DLG2: variants seen among roughly 807,000 people sequenced by gnomAD.
DLG2 encodes discs large MAGUK scaffold protein 2.
Under a neutral mutation model 132.5 loss-of-function variants are expected in DLG2, and 45 were observed. The observed-to-expected ratio is 0.34, with a 90% CI of 0.27 to 0.44. The LOEUF is 0.44. Among genes scored for constraint, DLG2 ranks in the 20% least tolerant of loss-of-function variants. The probability of loss-of-function intolerance (pLI) is 1.00; values close to 1 mark genes in which losing one functional copy is unlikely to be tolerated. For synonymous variants in DLG2, 424 were observed against 419.6 expected, an observed-to-expected ratio of 1.01 and a Z score of -0.13; for missense variants, 1,045 against 1,196.9, an observed-to-expected ratio of 0.87 and a Z score of 1.87.
intron 6 of DLG2, among the ~76,000 whole-genome samples, chr11:84,974,993 G>T (rs995706811): frequency 6.6e-6 from 1 of 152,146 alleles, no homozygotes; most frequent in African/African-American, 2.4e-5. Context: ...TTTTATACAA[G>T]GACATTGTAA....
At chr11:85,575,066 A>C (rs1342926261) in intron 3 of DLG2, among the ~76,000 whole-genome samples, 1 of 151,938 alleles carries the variant, frequency 6.6e-6, no homozygotes, top group Non-Finnish European at 1.5e-5. Flanking sequence ...TCAATTCTAA[A>C]TATATAATGC....
chr11:84,091,390 G>A (rs2097091549), intron 10 of DLG2, among the ~76,000 whole-genome samples: 1 of 152,142 alleles, frequency 6.6e-6, no homozygotes, highest in African/African-American at 2.4e-5. Flanking sequence ...CATCTCTGCT[G>A]TCCCTCCACC....
At chr11:83,645,119 G>C (rs887323748) in intron 18 of DLG2, among the ~76,000 whole-genome samples, 2 of 152,100 alleles carry the variant, frequency 1.3e-5, no homozygotes, top group Non-Finnish European at 2.9e-5. Flanking sequence ...GTAAATAAGA[G>C]TCTTTGCTGA....
At chr11:85,146,423 C>T (rs1321880528) in intron 5 of DLG2, among the ~76,000 whole-genome samples, 1 of 151,988 alleles carries the variant, frequency 6.6e-6, no homozygotes, top group Non-Finnish European at 1.5e-5. Context: ...TCTTCAATGC[C>T]CAAGGGCTCT....
intron 3 of DLG2, among the ~76,000 whole-genome samples, chr11:85,324,896 C>T (rs557452424): frequency 4.0e-3 from 587 of 148,200 alleles, no homozygotes; most frequent in Non-Finnish European, 5.3e-3. Flanking sequence ...AGACAGTGGG[C>T]GCAGGCCAGT....
At chr11:84,067,604 G>A (rs1157304905) in intron 10 of DLG2, among the ~76,000 whole-genome samples, 2 of 151,196 alleles carry the variant, frequency 1.3e-5, no homozygotes, top group African/African-American at 4.9e-5. Context: ...TGACTCAAAT[G>A]ACTTCAAATC....
intron 3 of DLG2, among the ~76,000 whole-genome samples, chr11:85,568,861 C>T (rs1026584912): frequency 4.6e-5 from 7 of 151,896 alleles, no homozygotes; most frequent in South Asian, 2.1e-4. Context: ...AAACTGGTTT[C>T]GGTTTCATTG....
chr11:84,213,893 G>C (rs1426231862), intron 8 of DLG2, among the ~76,000 whole-genome samples: 2 of 149,292 alleles, frequency 1.3e-5, no homozygotes, highest in African/African-American at 4.9e-5. Flanking sequence ...TAAAGTCTGA[G>C]AAACACTGTG....
intron 16 of DLG2, among the ~76,000 whole-genome samples, chr11:83,853,745 A>G (rs1414250757): frequency 6.6e-6 from 1 of 152,152 alleles, no homozygotes; most frequent in Non-Finnish European, 1.5e-5. Flanking sequence ...ATTAAATAAT[A>G]TCTACAAAAT....
At chr11:83,986,203 T>TC (rs1173412299) in intron 11 of DLG2, among the ~76,000 whole-genome samples, 1 of 138,174 alleles carries the variant, frequency 7.2e-6, no homozygotes, top group Non-Finnish European at 1.6e-5. Context: ...AAGCTATCCC[T>TC]CCCCCCTCCC....
intron 6 of DLG2, among the ~76,000 whole-genome samples, chr11:84,651,023 G>A (rs1287484513): frequency 1.3e-5 from 2 of 151,774 alleles, no homozygotes; most frequent in Non-Finnish European, 2.9e-5. Context: ...GCCCTCCAGA[G>A]ATGCTGTACC....
chr11:84,489,825 T>A (rs1295592849), intron 7 of DLG2, among the ~76,000 whole-genome samples: 1 of 152,046 alleles, frequency 6.6e-6, no homozygotes, highest in African/African-American at 2.4e-5. Context: ...ATGTAAAATT[T>A]CATATATTCT....
At chr11:85,097,503 G>A (rs778348960) in intron 6 of DLG2, among the ~76,000 whole-genome samples, 5 of 152,194 alleles carry the variant, frequency 3.3e-5, no homozygotes, top group Non-Finnish European at 5.9e-5. Flanking sequence ...AGATTTGAAT[G>A]AGCAAAATGA....
At chr11:83,546,189 G>A (rs1395849150) in intron 19 of DLG2, among the ~76,000 whole-genome samples, 1 of 152,148 alleles carries the variant, frequency 6.6e-6, no homozygotes, top group African/African-American at 2.4e-5. Flanking sequence ...CAACATGGCT[G>A]TGAGATACCT....
At chr11:84,816,243 G>A (rs1422548236) in intron 6 of DLG2, among the ~76,000 whole-genome samples, 1 of 151,992 alleles carries the variant, frequency 6.6e-6, no homozygotes, top group Non-Finnish European at 1.5e-5. Flanking sequence ...CAGAGTAGGG[G>A]CTGCCTCCAG....
chr11:84,899,841 T>G (rs946613567), intron 6 of DLG2, among the ~76,000 whole-genome samples: 2 of 152,052 alleles, frequency 1.3e-5, no homozygotes, highest in African/African-American at 4.8e-5. Flanking sequence ...TTCCAATGCT[T>G]AAACTTCTCT....
chr11:84,332,442 C>T (rs1039709779), intron 7 of DLG2, among the ~76,000 whole-genome samples: 2 of 151,452 alleles, frequency 1.3e-5, no homozygotes, highest in Non-Finnish European at 2.9e-5. Context: ...CATCTCCTGA[C>T]CTCGTGATCC....
intron 6 of DLG2, among the ~76,000 whole-genome samples, chr11:84,744,056 G>A (rs1028416394): frequency 2.6e-5 from 4 of 152,094 alleles, no homozygotes; most frequent in Non-Finnish European, 5.9e-5. Context: ...TGAATCACAC[G>A]TTTCTCTCTG....
chr11:84,313,102 C>G (rs1187794064), intron 7 of DLG2, among the ~76,000 whole-genome samples: 1 of 151,834 alleles, frequency 6.6e-6, no homozygotes, highest in Non-Finnish European at 1.5e-5. Flanking sequence ...AGTCACTGCA[C>G]CTGGCCAATT....
Sources: allele counts gnomAD v4.1 joint callset (sites outside exome capture counted in the v4.1 genomes callset), GRCh38; gene constraint gnomAD v4.1.1; transcripts MANE v1.5; gene names NCBI Gene and HGNC (gene_info 2026-07-23, HGNC 2026-07-21).